FCN2: variants seen among roughly 807,000 people sequenced by gnomAD.
The protein encoded by FCN2 is ficolin-2.
In FCN2, 31 loss-of-function variants were observed where a neutral mutation model predicts 32.5. The observed-to-expected ratio is 0.96, with a 90% CI of 0.72 to 1.29. The LOEUF is 1.29. Ranked by LOEUF, FCN2 falls within the 50% of genes most tolerant of loss-of-function variation. The pLI is 0.00. For synonymous variants in FCN2, 181 were observed against 164.5 expected (o/e 1.10, Z -0.77); for missense variants, 412 against 406.5 (o/e 1.01, Z -0.12).
rs376263285 is a variant in FCN2, at chr9:134,883,308, G to A, written c.221G>A (p.Arg74His). ...EAGTNGKRGERGPPGPPGKAG... is the reference protein window; with the variant it reads ...EAGTNGKRGEHGPPGPPGKAG... ...GTGTCTTTGGAAATTGCAGGAGAAC[G>A]TGGCCCCCCTGGACCTCCTGGGAAG... Residue 74 changes from arginine (R) to histidine (H), a missense_variant, in exon 3 of 8, where the codon CGT (arginine) becomes CAT (histidine). By Grantham distance (29) the Arg-to-His change is conservative (BLOSUM62 0). Transcript: ENST00000291744. 91 of 1,613,070 alleles carry A rather than the reference G, an allele frequency of 5.6e-5. No individual in the cohort carries two copies. The highest frequency in any genetic ancestry group is 6.7e-5 in the East Asian group (3 of 44,878).
the FCN2 span, chr9:134,868,245 CACA>C: frequency 1.3e-5 from 2 of 152,356 alleles, no homozygotes; most frequent in East Asian, 1.9e-4. The surrounding 1 kb of genome is among the most constrained non-coding windows in gnomAD (Gnocchi z 4.3). Context: ...TCTGACACAC[CACA>C]ACAACTACCC....
At chr9:134,881,025 T>C in intron 1 of FCN2, 104 bp downstream of exon 1, 2 of 810,370 alleles carry the variant, frequency 2.5e-6, no homozygotes, top group Non-Finnish European at 4.2e-6. Context: ...CCAGGCCGTG[T>C]GGAGCATCGT....
rs1352731574 is a variant in FCN2 at position 134,885,477 on chromosome 9, T to G, written c.429+111T>G. 6 of 1,503,558 alleles carry G rather than the reference T, an allele frequency of 4.0e-6. No individual in the cohort carries two copies. The Admixed American group carries it at 9.9e-5, about 25-fold the overall frequency. 93.1% of individuals were successfully genotyped at this position (1,503,558 alleles called of 1,614,324 possible). A position where few individuals can be genotyped will look rare whatever the true frequency, so the allele number is the denominator to read the frequency against. ...TCTCTATTCTCCTGGTCGGGGACAGTCAGAGATGATGGGGGAGATGACCGG... is the reference window on the plus strand; with the variant it reads ...TCTCTATTCTCCTGGTCGGGGACAGGCAGAGATGATGGGGGAGATGACCGG... On this transcript the variant is annotated intron_variant, in intron 5 of 7. Coordinates refer to ENST00000291744, the MANE Select transcript of FCN2 (RefSeq NM_004108.3).
chr9:134,880,404 G>GACCA (rs918867441), upstream of FCN2, among the ~76,000 whole-genome samples: 7 of 152,216 alleles, frequency 4.6e-5, no homozygotes, highest in Non-Finnish European at 1.0e-4. Context: ...AGTGGCCCAT[G>GACCA]ACCAGCCCTG....
intron 2 of FCN2, 80 bp downstream of exon 2, chr9:134,882,719 G>T: frequency 1.0e-6 from 1 of 999,718 alleles, no homozygotes; most frequent in Non-Finnish European, 1.6e-6. Flanking sequence ...CCCCCACCAT[G>T]GTTCCTAGAT....
the FCN2 span, among the ~76,000 whole-genome samples, chr9:134,869,285 G>C: frequency 6.6e-6 from 1 of 152,232 alleles, no homozygotes; most frequent in Non-Finnish European, 1.5e-5. Context: ...GGGGCGAGTG[G>C]GTGAGAAGGA....
intron 3 of FCN2, among the ~76,000 whole-genome samples, chr9:134,884,235 T>C (rs960904013): frequency 4.6e-5 from 7 of 152,092 alleles, no homozygotes; most frequent in African/African-American, 1.7e-4. Context: ...CAGTAGGAAA[T>C]TGAAGCTCCC....
the FCN2 span, among the ~76,000 whole-genome samples, chr9:134,874,075 C>T: frequency 1.7e-4 from 26 of 151,970 alleles, 1 homozygote; most frequent in African/African-American, 5.1e-4. Flanking sequence ...CCACCACACG[C>T]GGCTAATTTT....
At chr9:134,868,977 C>T in the FCN2 span, among the ~76,000 whole-genome samples, 713 of 152,304 alleles carry the variant, frequency 4.7e-3, 9 homozygotes, top group African/African-American at 0.016. The surrounding 1 kb of genome is among the most constrained non-coding windows in gnomAD (Gnocchi z 4.3). Context: ...CTATCATCCC[C>T]GGAAGCTTCC....
At position 134,880,996 on chromosome 9, in the gene FCN2, C is replaced by A. The variant is rs1485553290; in HGVS notation, c.100+75C>A. The A allele has an allele frequency of 3.6e-6, 4 of 1,111,772 alleles. No individual in the cohort carries two copies. The African/African-American group carries it at 6.1e-5, about 17-fold the overall frequency. 68.9% of individuals were successfully genotyped at this position (1,111,772 alleles called of 1,614,324 possible). ...TGGCAGCTTCGTGATTGGTGGCTTCCTGGCTTCCAGGCCTTGCACCAGGCC... is the reference window on the plus strand; with the variant it reads ...TGGCAGCTTCGTGATTGGTGGCTTCATGGCTTCCAGGCCTTGCACCAGGCC... On this transcript the variant is annotated intron_variant, in intron 1 of 7. Coordinates refer to ENST00000291744, the MANE Select transcript of FCN2 (RefSeq NM_004108.3).
chr9:134,884,688 G>C, intron 3 of FCN2, 52 bp from the exon 4 acceptor site: 4 of 1,582,728 alleles, frequency 2.5e-6, no homozygotes, highest in Non-Finnish European at 3.5e-6. Flanking sequence ...GGGGGCTGAA[G>C]GGCTCTGATT....
chr9:134,873,012 T>C, the FCN2 span, among the ~76,000 whole-genome samples: 1 of 152,190 alleles, frequency 6.6e-6, no homozygotes, highest in Non-Finnish European at 1.5e-5. Flanking sequence ...TGTTCCCGTT[T>C]TCCTTATGAC....
chr9:134,880,864 C>G lies in FCN2; in HGVS notation c.43C>G (p.Leu15Val), dbSNP rs777703997. 2 of 1,613,806 alleles carry G rather than the reference C, an allele frequency of 1.2e-6. No individual in the cohort carries two copies. Among genetic ancestry groups the G allele is most frequent in the South Asian group, 2.2e-5 (2 of 91,022 alleles). The stretch of plus-strand genomic sequence containing the variant: ...TGTGGGGGTCCTGGGCGCTGCCACC[C>G]TGCTGCTCTCTTTCCTGGGCATGGC... ...RAVGVLGAAT[L>V]LLSFLGMAWA... The change falls in exon 1 of 8, where the codon CTG (leucine) becomes GTG (valine). Residue 15 changes from leucine (L) to valine (V), a missense_variant. Coordinates refer to ENST00000291744, the MANE Select transcript of FCN2 (RefSeq NM_004108.3).
In FCN2 at chr9:134,887,340, T is replaced by C. The variant is rs759715943; in HGVS notation, c.867T>C (p.Asn289=). The C allele has an allele frequency of 3.1e-6, 5 of 1,613,876 alleles. No individual in the cohort carries two copies. In the East Asian group the frequency reaches 1.1e-4, roughly 36 times the overall value. ...YLRGTHGSFA[N]GINWKSGKGY... ...GGGGGACTCATGGCAGCTTTGCAAA[T>C]GGCATCAACTGGAAGTCGGGGAAAG... The change falls in exon 8 of 8, where the codon AAT becomes AAC. Residue 289 remains asparagine (N), a synonymous_variant. Coordinates refer to ENST00000291744, the MANE Select transcript of FCN2 (RefSeq NM_004108.3).
chr9:134,872,239 A>C, the FCN2 span, among the ~76,000 whole-genome samples: 11 of 152,042 alleles, frequency 7.2e-5, no homozygotes, highest in East Asian at 5.8e-4. Flanking sequence ...GCGGAGTCGT[A>C]CCCCGTGGAT....
At position 134,887,406 on chromosome 9, in the gene FCN2, AC is replaced by A. The variant is rs1830776836; in HGVS notation, c.935del (p.Pro312LeufsTer?). 2 of 1,614,010 alleles carry A rather than the reference AC, an allele frequency of 1.2e-6. No homozygotes were observed. Among genetic ancestry groups the A allele is most frequent in the East Asian group, 4.5e-5 (2 of 44,864 alleles). On this transcript the variant is annotated frameshift_variant, in exon 8 of 8. Coordinates refer to ENST00000291744, the MANE Select transcript of FCN2 (RefSeq NM_004108.3). LOFTEE classifies it high-confidence loss of function. ...SYKVSEMKVR[P>X]A is the part of the protein sequence containing the mutation. ...ACAAGGTGTCAGAGATGAAGGTGCG[AC>A]CTGCCTAGCCCAGGCCGGCCTCAGG...
At chr9:134,882,472 A>G (rs1830677562) in intron 1 of FCN2, 54 bp from the exon 2 acceptor site, 1 of 1,394,586 alleles carries the variant, frequency 7.2e-7, no homozygotes, top group Non-Finnish European at 1.0e-6. Flanking sequence ...TCTATGGCTC[A>G]GTGGAGTCTT....
At chr9:134,873,625 T>C in the FCN2 span, among the ~76,000 whole-genome samples, 3 of 152,256 alleles carry the variant, frequency 2.0e-5, no homozygotes. Flanking sequence ...GGGCCATTCT[T>C]CAGCCTACAA....
At position 134,887,498 on chromosome 9, in the gene FCN2, A is replaced by G; in HGVS notation, c.*83A>G. The G allele has an allele frequency of 1.5e-6, 2 of 1,313,004 alleles. No homozygotes were observed. Among genetic ancestry groups the G allele is most frequent in the Non-Finnish European group, 1.1e-6 (1 of 920,150 alleles). 81.3% of individuals were successfully genotyped at this position (1,313,004 alleles called of 1,614,324 possible). A position where few individuals can be genotyped will look rare whatever the true frequency, so the allele number is the denominator to read the frequency against. On this transcript the variant is annotated 3_prime_UTR_variant, in exon 8 of 8. Coordinates refer to ENST00000291744, the MANE Select transcript of FCN2 (RefSeq NM_004108.3). ...TGGGAGCTTGGCCCTACGGTTTGTA[A>G]AAGAAACACATGTCGTGATTCTAAA...
Sources: allele counts gnomAD v4.1 joint callset (sites outside exome capture counted in the v4.1 genomes callset), GRCh38; gene constraint gnomAD v4.1.1; non-coding constraint Gnocchi (gnomAD v3.1); transcripts MANE v1.5; gene names NCBI Gene and HGNC (gene_info 2026-07-23, HGNC 2026-07-21).